LHFPL6: variants seen among roughly 807,000 people sequenced by gnomAD.
The protein encoded by LHFPL6 is LHFPL tetraspan subfamily member 6.
Under a neutral mutation model 20.6 loss-of-function variants are expected in LHFPL6, and 9 were observed. The observed-to-expected ratio is 0.44, with a 90% CI of 0.26 to 0.76. The LOEUF is 0.76. Among genes scored for constraint, LHFPL6 ranks in the 30% least tolerant of loss-of-function variants. The pLI is 0.20. For missense variants in LHFPL6, 218 were observed against 253.5 expected (o/e 0.86, Z 0.95); for synonymous variants, 105 against 98.7 (o/e 1.06, Z -0.38).
chr13:39,588,842 A>T (rs2324348), intron 2 of LHFPL6, among the ~76,000 whole-genome samples: 210 of 152,304 alleles, frequency 1.4e-3, no homozygotes, highest in African/African-American at 4.9e-3. Context: ...TCACTGCAGC[A>T]TTAGAATAAA....
chr13:39,479,123 A>G (rs1404054487), intron 2 of LHFPL6, among the ~76,000 whole-genome samples: 1 of 101,698 alleles, frequency 9.8e-6, no homozygotes, highest in East Asian at 2.4e-4. Context: ...CCATCCATCT[A>G]TCTATCTATC....
chr13:39,432,662 A>G (rs1391039503), intron 2 of LHFPL6, among the ~76,000 whole-genome samples: 2 of 152,044 alleles, frequency 1.3e-5, no homozygotes, highest in African/African-American at 2.4e-5. Flanking sequence ...CTTCCTTTGC[A>G]CTTAGTATCT....
Position 39,470,867 on chromosome 13 carries a change from A to G in LHFPL6, c.386-92341T>C, listed in dbSNP as rs138952069. Reference sequence around the variant, plus strand: ...GTTATGGAGAATACTAAACATTTCCATTAGCGGCCCATCATCACCGTGGTT... The same window carrying G: ...GTTATGGAGAATACTAAACATTTCCGTTAGCGGCCCATCATCACCGTGGTT... On this transcript the variant is annotated intron_variant, in intron 2 of 3. Transcript: ENST00000379589. Among the ~76,000 whole-genome samples, 529 of 152,356 alleles carry G rather than the reference A, an allele frequency of 3.5e-3. 3 individuals are homozygous for G. Among genetic ancestry groups the G allele is most frequent in the Non-Finnish European group, 5.9e-3 (404 of 68,034 alleles).
chr13:39,466,450 A>G lies in LHFPL6; in HGVS notation c.386-87924T>C, dbSNP rs1475186960. Among the ~76,000 whole-genome samples, 10 of 152,322 alleles carry G rather than the reference A, an allele frequency of 6.6e-5. No individual in the cohort carries two copies. The East Asian group carries it at 1.7e-3, about 26-fold the overall frequency. ...AAATCAGGGATGAATATGTCTCTGT[A>G]TTGAAACTTTGTCATGTTATATAGA... On this transcript the variant is annotated intron_variant, in intron 2 of 3. Coordinates refer to ENST00000379589, the MANE Select transcript of LHFPL6 (RefSeq NM_005780.3).
rs1329497121 is a variant in LHFPL6, at chr13:39,363,606, C to T, written c.484+14822G>A. Among the ~76,000 whole-genome samples the T allele has an allele frequency of 2.0e-5, 3 of 152,178 alleles. No individual in the cohort carries two copies. In the East Asian group the frequency reaches 5.8e-4, roughly 29 times the overall value. ...CCGTACTTTCCCAATGAGAACACTG[C>T]TCCCCAGGACACCGACAGGGCTTTC... On this transcript the variant is annotated intron_variant, in intron 3 of 3. Transcript: ENST00000379589.
At chr13:39,582,564 T>C (rs1364806833) in intron 2 of LHFPL6, among the ~76,000 whole-genome samples, 1 of 152,214 alleles carries the variant, frequency 6.6e-6, no homozygotes, top group Admixed American at 6.5e-5. Context: ...TAGCAAAATA[T>C]TCAAGAGATC....
chr13:39,452,129 G>A (rs1163343664), intron 2 of LHFPL6, among the ~76,000 whole-genome samples: 3 of 151,348 alleles, frequency 2.0e-5, no homozygotes, highest in African/African-American at 7.3e-5. Flanking sequence ...ATATAACAGA[G>A]AGTTTAAATG....
intron 3 of LHFPL6, among the ~76,000 whole-genome samples, chr13:39,354,580 G>A (rs184238754): frequency 7.2e-5 from 11 of 152,252 alleles, no homozygotes; most frequent in Admixed American, 2.6e-4. Context: ...TCAGAATATG[G>A]ATGGGAAAGA....
intron 2 of LHFPL6, among the ~76,000 whole-genome samples, chr13:39,552,502 T>C (rs1034361512): frequency 2.0e-5 from 3 of 152,164 alleles, no homozygotes; most frequent in African/African-American, 7.2e-5. Context: ...CCGTAATTAA[T>C]AATAATTGCT....
chr13:39,471,632 C>T (rs909371904), intron 2 of LHFPL6, among the ~76,000 whole-genome samples: 3 of 152,218 alleles, frequency 2.0e-5, no homozygotes, highest in Non-Finnish European at 2.9e-5. Flanking sequence ...ATACATACAG[C>T]TGTGTTGCTA....
intron 2 of LHFPL6, among the ~76,000 whole-genome samples, chr13:39,442,291 T>C (rs1872161328): frequency 6.6e-6 from 1 of 152,216 alleles, no homozygotes. Flanking sequence ...CCTTTATTTC[T>C]TATCAGGGTA....
intron 2 of LHFPL6, among the ~76,000 whole-genome samples, chr13:39,479,456 T>C (rs1868430242): frequency 6.6e-6 from 1 of 152,118 alleles, no homozygotes. Flanking sequence ...AGAGTGGTCT[T>C]GGGATCACTG....
At chr13:39,490,961 A>G (rs1868906104) in intron 2 of LHFPL6, among the ~76,000 whole-genome samples, 1 of 152,176 alleles carries the variant, frequency 6.6e-6, no homozygotes, top group African/African-American at 2.4e-5. Context: ...GACCAACTCA[A>G]ACTCCACTGG....
At chr13:39,592,913 A>ACC (rs1872655573) in intron 2 of LHFPL6, among the ~76,000 whole-genome samples, 1 of 152,234 alleles carries the variant, frequency 6.6e-6, no homozygotes, top group East Asian at 1.9e-4. Context: ...CCTTTGAAAA[A>ACC]ATTCAACAAC....
intron 2 of LHFPL6, among the ~76,000 whole-genome samples, chr13:39,476,416 A>G (rs931192626): frequency 6.6e-6 from 1 of 152,260 alleles, no homozygotes; most frequent in Admixed American, 6.5e-5. Flanking sequence ...ACTCTAAATT[A>G]AATTACACAG....
intron 2 of LHFPL6, among the ~76,000 whole-genome samples, chr13:39,531,635 C>G (rs1275903058): frequency 6.6e-6 from 1 of 152,132 alleles, no homozygotes; most frequent in Non-Finnish European, 1.5e-5. Context: ...AGGTAGATTC[C>G]TTCTAAGATC....
chr13:39,362,118 C>T (rs1253727109), intron 3 of LHFPL6, among the ~76,000 whole-genome samples: 1 of 152,204 alleles, frequency 6.6e-6, no homozygotes. Context: ...GGATTTTTGT[C>T]CCTGCTCAAA....
At chr13:39,498,195 G>C (rs907437366) in intron 2 of LHFPL6, among the ~76,000 whole-genome samples, 1 of 152,162 alleles carries the variant, frequency 6.6e-6, no homozygotes, top group Admixed American at 6.5e-5. Context: ...AAAGTAAGTG[G>C]TCCAGTTTCT....
intron 2 of LHFPL6, among the ~76,000 whole-genome samples, chr13:39,479,233 G>A (rs979974733): frequency 6.6e-5 from 10 of 152,054 alleles, no homozygotes; most frequent in Admixed American, 5.9e-4. Flanking sequence ...ACCTATAATG[G>A]TCATGAACAG....
Sources: gnomAD v4.1 joint callset for allele counts (sites outside exome capture counted in the v4.1 genomes callset) on GRCh38, gnomAD v4.1.1 for gene constraint, MANE v1.5 for transcripts, NCBI Gene and HGNC (gene_info 2026-07-23, HGNC 2026-07-21) for gene names.